IQCM: variants seen among roughly 807,000 people sequenced by gnomAD.
IQCM encodes IQ domain-containing protein M.
Under a neutral mutation model 57.6 loss-of-function variants are expected in IQCM, and 45 were observed. The ratio of observed to expected loss-of-function variants is 0.78; its 90% CI spans 0.62 to 1.00. The LOEUF (loss-of-function observed/expected upper bound fraction) is 1.00. Among genes scored for constraint, IQCM ranks in the 50% least tolerant of loss-of-function variants. The pLI is 0.00. For missense variants in IQCM, 468 were observed against 511.6 expected, an observed-to-expected ratio of 0.91 and a Z score of 0.82; for synonymous variants, 148 against 158.9, an observed-to-expected ratio of 0.93 and a Z score of 0.51.
chr4:149,782,915 T>C (rs1771742413), intron 2 of IQCM, among the ~76,000 whole-genome samples: 1 of 152,186 alleles, frequency 6.6e-6, no homozygotes, highest in Non-Finnish European at 1.5e-5. Context: ...TTCTCAGTCT[T>C]CCTTGCTGTT....
chr4:149,393,429 T>C (rs1380309708), intron 13 of IQCM, among the ~76,000 whole-genome samples: 1 of 151,706 alleles, frequency 6.6e-6, no homozygotes. Flanking sequence ...GGTTTCAATA[T>C]AAACCTAACG....
intron 13 of IQCM, among the ~76,000 whole-genome samples, chr4:149,369,495 ACTTGGTATATTC>A (rs1242863346): frequency 6.6e-6 from 1 of 152,202 alleles, no homozygotes. Context: ...GTTCTACATA[ACTTGGTATATTC>A]CTTAACCTTC....
At chr4:149,442,010 A>T in intron 12 of IQCM, among the ~76,000 whole-genome samples, 1 of 152,124 alleles carries the variant, frequency 6.6e-6, no homozygotes, top group East Asian at 1.9e-4. Context: ...TGGACTTTCC[A>T]GCCTCCATAA....
intron 8 of IQCM, among the ~76,000 whole-genome samples, chr4:149,604,539 C>T (rs1579667088): frequency 1.3e-5 from 2 of 152,240 alleles, no homozygotes; most frequent in East Asian, 1.9e-4. Flanking sequence ...ATATTAACAG[C>T]CACAATATCC....
intron 12 of IQCM, among the ~76,000 whole-genome samples, chr4:149,529,981 G>C (rs1746569534): frequency 6.6e-6 from 1 of 152,092 alleles, no homozygotes; most frequent in Non-Finnish European, 1.5e-5. Flanking sequence ...TGATCCATCT[G>C]TTCCAGCTAC....
chr4:149,759,635 A>G (rs963105437), intron 2 of IQCM, among the ~76,000 whole-genome samples: 2 of 152,298 alleles, frequency 1.3e-5, no homozygotes, highest in South Asian at 4.1e-4. Context: ...TGTAAAGCCA[A>G]AACTTCTCTT....
intron 7 of IQCM, among the ~76,000 whole-genome samples, chr4:149,638,371 T>C (rs1757898106): frequency 6.6e-6 from 1 of 152,094 alleles, no homozygotes; most frequent in Admixed American, 6.6e-5. Context: ...TAAGTAAACA[T>C]ACATCTATGC....
At chr4:149,445,152 G>A (rs1736368653) in intron 12 of IQCM, among the ~76,000 whole-genome samples, 1 of 151,796 alleles carries the variant, frequency 6.6e-6, no homozygotes, top group African/African-American at 2.4e-5. Flanking sequence ...CTGTGGACAG[G>A]CCTTCAGGGG....
At chr4:149,765,850 T>A (rs1474448949) in intron 2 of IQCM, among the ~76,000 whole-genome samples, 1 of 151,988 alleles carries the variant, frequency 6.6e-6, no homozygotes, top group African/African-American at 2.4e-5. Flanking sequence ...CCCAGATCCA[T>A]GACTCATACC....
intron 5 of IQCM, among the ~76,000 whole-genome samples, chr4:149,726,455 C>T (rs1484363874): frequency 6.6e-6 from 1 of 152,172 alleles, no homozygotes; most frequent in Non-Finnish European, 1.5e-5. Flanking sequence ...ATATTTCCCA[C>T]TCCCCTGATT....
intron 13 of IQCM, among the ~76,000 whole-genome samples, chr4:149,391,522 T>A (rs1369682430): frequency 1.3e-5 from 2 of 151,896 alleles, no homozygotes; most frequent in Non-Finnish European, 2.9e-5. Context: ...CATTATTTCC[T>A]TTCTTCTTCT....
At chr4:149,478,212 C>T (rs1740406987) in intron 12 of IQCM, among the ~76,000 whole-genome samples, 1 of 152,112 alleles carries the variant, frequency 6.6e-6, no homozygotes, top group African/African-American at 2.4e-5. Flanking sequence ...GCCGGTGTGA[C>T]TTGAAATAAG....
At chr4:149,665,320 C>A (rs1760617703) in intron 7 of IQCM, among the ~76,000 whole-genome samples, 1 of 152,160 alleles carries the variant, frequency 6.6e-6, no homozygotes, top group Non-Finnish European at 1.5e-5. Context: ...CTGTAGTAAA[C>A]TACTGGCATC....
chr4:149,397,244 A>C (rs1424963463), intron 13 of IQCM, among the ~76,000 whole-genome samples: 1 of 151,906 alleles, frequency 6.6e-6, no homozygotes, highest in African/African-American at 2.4e-5. Flanking sequence ...CCATATTGAC[A>C]GGAGTGAGGT....
chr4:149,581,999 G>A (rs1215279936), intron 9 of IQCM, among the ~76,000 whole-genome samples: 1 of 151,236 alleles, frequency 6.6e-6, no homozygotes. Context: ...TGTTGCTTTT[G>A]TTTTTGTTTT....
chr4:149,785,851 G>T (rs1772034641), intron 2 of IQCM, among the ~76,000 whole-genome samples: 1 of 151,348 alleles, frequency 6.6e-6, no homozygotes, highest in Non-Finnish European at 1.5e-5. Context: ...CCCTCAAGCT[G>T]CACAAAAACA....
intron 12 of IQCM, among the ~76,000 whole-genome samples, chr4:149,440,901 G>A (rs1735876446): frequency 2.0e-5 from 3 of 151,916 alleles, no homozygotes; most frequent in African/African-American, 7.2e-5. Flanking sequence ...TTATACTAAT[G>A]TTAAGATTAT....
intron 13 of IQCM, among the ~76,000 whole-genome samples, chr4:149,380,953 C>G (rs1169062611): frequency 1.3e-5 from 2 of 152,038 alleles, no homozygotes; most frequent in Non-Finnish European, 2.9e-5. Flanking sequence ...TTTAATTGAC[C>G]TCTTGCAATC....
intron 7 of IQCM, among the ~76,000 whole-genome samples, chr4:149,630,471 A>G (rs1327752891): frequency 6.6e-6 from 1 of 152,244 alleles, no homozygotes; most frequent in Non-Finnish European, 1.5e-5. Flanking sequence ...GGAAAAGTGG[A>G]CACCGAGTGA....
Sources: allele counts gnomAD v4.1 joint callset (sites outside exome capture counted in the v4.1 genomes callset), GRCh38; gene constraint gnomAD v4.1.1; transcripts MANE v1.5; gene names NCBI Gene and HGNC (gene_info 2026-07-23, HGNC 2026-07-21).